CC2D2A: variants seen among roughly 807,000 people sequenced by gnomAD.
CC2D2A encodes the protein coiled-coil and C2 domain containing 2A.
In CC2D2A, 155 loss-of-function variants were observed where a neutral mutation model predicts 212.9. The observed-to-expected ratio is 0.73, with a 90% CI of 0.64 to 0.83. The LOEUF (loss-of-function observed/expected upper bound fraction) is 0.83, where lower values mean the gene tolerates loss of function less well. CC2D2A is among the 40% of genes least tolerant of loss of function. The pLI is 0.00. For synonymous variants in CC2D2A, 667 were observed against 686.5 expected, an observed-to-expected ratio of 0.97 and a Z score of 0.44; for missense variants, 1,856 against 1,956.2, an observed-to-expected ratio of 0.95 and a Z score of 0.97.
intron 1 of CC2D2A, among the ~76,000 whole-genome samples, chr4:15,474,243 G>A (rs1714023023): frequency 6.6e-6 from 1 of 152,200 alleles, no homozygotes; most frequent in Non-Finnish European, 1.5e-5. Context: ...GCCAACTGAA[G>A]AAAGTATCTC....
chr4:15,567,374 T>G lies in CC2D2A; in HGVS notation c.3183-3T>G. The G allele has an allele frequency of 4.3e-6, 7 of 1,609,320 alleles. No homozygotes were observed. The highest frequency in any genetic ancestry group is 5.9e-6 in the Non-Finnish European group (7 of 1,176,610). On this transcript the variant is annotated splice_region_variant and splice_polypyrimidine_tract_variant and intron_variant, in intron 24 of 36. Transcript: ENST00000424120. The stretch of plus-strand genomic sequence containing the variant: ...AATTTCCTTCATACATTTTCTCTCC[T>G]AGCAAATTCCAGCAGCCGTCGAGGT...
intron 33 of CC2D2A, among the ~76,000 whole-genome samples, chr4:15,590,175 G>A (rs1234301067): frequency 6.6e-6 from 1 of 152,088 alleles, no homozygotes; most frequent in Non-Finnish European, 1.5e-5. Flanking sequence ...TTTGAGGGCT[G>A]CATGATTTTA....
chr4:15,506,492 C>G (rs1716261977), intron 6 of CC2D2A, among the ~76,000 whole-genome samples: 1 of 152,144 alleles, frequency 6.6e-6, no homozygotes, highest in Non-Finnish European at 1.5e-5. Context: ...TCTGCCTGGT[C>G]TTGTGTTTCA....
At chr4:15,550,046 A>G (rs1718916140) in intron 17 of CC2D2A, among the ~76,000 whole-genome samples, 1 of 152,260 alleles carries the variant, frequency 6.6e-6, no homozygotes, top group Non-Finnish European at 1.5e-5. Context: ...GAAAGAAGCC[A>G]GGAGAACTGT....
intron 36 of CC2D2A, 139 bp downstream of exon 36, chr4:15,599,845 G>A: frequency 3.8e-6 from 2 of 522,618 alleles, no homozygotes; most frequent in Non-Finnish European, 6.4e-6. Flanking sequence ...ACTAAAAACT[G>A]TGATCATAAG....
At chr4:15,538,719 G>A (rs1718267014) in intron 16 of CC2D2A, among the ~76,000 whole-genome samples, 1 of 152,138 alleles carries the variant, frequency 6.6e-6, no homozygotes, top group Non-Finnish European at 1.5e-5. Flanking sequence ...AACATCATTT[G>A]ATTTATATAC....
intron 33 of CC2D2A, among the ~76,000 whole-genome samples, chr4:15,590,376 A>T (rs1436333463): frequency 6.6e-6 from 1 of 152,158 alleles, no homozygotes; most frequent in African/African-American, 2.4e-5. Flanking sequence ...TTAGCTGGGC[A>T]TGATGGTGTG....
chr4:15,575,328 A>G (rs573510601), intron 29 of CC2D2A, among the ~76,000 whole-genome samples: 1 of 152,344 alleles, frequency 6.6e-6, no homozygotes, highest in Admixed American at 6.5e-5. Flanking sequence ...ACATAGGCAG[A>G]GGTAACACAT....
At chr4:15,573,426 G>GA (rs1208961343) in intron 28 of CC2D2A, among the ~76,000 whole-genome samples, 1 of 152,166 alleles carries the variant, frequency 6.6e-6, no homozygotes, top group Non-Finnish European at 1.5e-5. Context: ...AAGTAGCTGG[G>GA]ACCACAGGCG....
At chr4:15,539,068 A>C (rs1379214052) in intron 16 of CC2D2A, among the ~76,000 whole-genome samples, 1 of 152,216 alleles carries the variant, frequency 6.6e-6, no homozygotes, top group Non-Finnish European at 1.5e-5. Context: ...AAACATTTTT[A>C]ATACCTCACA....
At chr4:15,582,229 TAA>T (rs1720693487) in intron 30 of CC2D2A, among the ~76,000 whole-genome samples, 1 of 103,592 alleles carries the variant, frequency 9.7e-6, no homozygotes, top group Non-Finnish European at 2.6e-5. Flanking sequence ...TACAGTTAAA[TAA>T]GAGGTAAATT....
At chr4:15,560,400 G>A in intron 22 of CC2D2A, 131 bp from the exon 23 acceptor site, 1 of 560,380 alleles carries the variant, frequency 1.8e-6, no homozygotes, top group Non-Finnish European at 3.2e-6. Flanking sequence ...CAGCATTGCA[G>A]AGGAAAGTAA....
intron 29 of CC2D2A, chr4:15,576,257 C>G (rs145612957): frequency 6.8e-5 from 19 of 278,420 alleles, no homozygotes; most frequent in African/African-American, 4.1e-4. Flanking sequence ...GAGGCAGTGG[C>G]AGAAAACACT....
In CC2D2A at chr4:15,574,135, A is replaced by T; in HGVS notation, c.3595-15A>T. 1.3e-6 allele frequency: 2 copies of T among 1,530,252 alleles called. No homozygotes were observed. Among genetic ancestry groups the T allele is most frequent in the Non-Finnish European group, 1.8e-6 (2 of 1,134,202 alleles). 94.8% of individuals were successfully genotyped at this position (1,530,252 alleles called of 1,614,324 possible). On this transcript the variant is annotated splice_polypyrimidine_tract_variant and intron_variant, in intron 28 of 36. Coordinates refer to ENST00000424120, the MANE Select transcript of CC2D2A (RefSeq NM_001378615.1). ...AAAGCATCAGGATGTTTACCAAGTC[A>T]TATTTTCTTCACAGATTGATGGAAC... is the stretch of plus-strand genomic sequence containing the variant.
Position 15,537,001 on chromosome 4 carries a change from C to T in CC2D2A, c.1689C>T (p.His563=), listed in dbSNP as rs755367503. ...QAEISELLEE[H]TEEYAQKMEE... is the part of the protein sequence containing the mutation. ...AAATAAGTGAACTGTTAGAAGAGCA[C>T]ACGGAGGAGTACGCACAGAAGATGG... Residue 563 remains histidine, a synonymous_variant, in exon 15 of 37, where the codon CAC becomes CAT. Coordinates refer to ENST00000424120, the MANE Select transcript of CC2D2A (RefSeq NM_001378615.1). 61 of 1,613,520 alleles carry T rather than the reference C, an allele frequency of 3.8e-5. No individual in the cohort carries two copies. Among genetic ancestry groups the T allele is most frequent in the Middle Eastern group, 3.3e-4 (2 of 6,082 alleles).
At chr4:15,526,133 CT>C (rs1717499213) in intron 11 of CC2D2A, among the ~76,000 whole-genome samples, 1 of 152,192 alleles carries the variant, frequency 6.6e-6, no homozygotes, top group Non-Finnish European at 1.5e-5. Context: ...AGACTTCATG[CT>C]TTTAGATCCT....
Position 15,601,212 on chromosome 4 carries a change from GACT to G in CC2D2A, c.4675-22_4675-20del, listed in dbSNP as rs1238900694. The G allele has an allele frequency of 1.3e-5, 21 of 1,579,058 alleles. 1 individual carries two copies. The highest frequency in any genetic ancestry group is 6.7e-5 in the East Asian group (3 of 44,598). ...TATTAAATCTTCAAACTTCACTAAT[GACT>G]ACAAATGTTTTTTCCCTTCAGTTCT... On this transcript the variant is annotated intron_variant, in intron 36 of 36. Coordinates refer to ENST00000424120, the MANE Select transcript of CC2D2A (RefSeq NM_001378615.1).
intron 29 of CC2D2A, 62 bp from the exon 30 acceptor site, chr4:15,579,906 C>G: frequency 7.5e-7 from 1 of 1,340,240 alleles, no homozygotes; most frequent in East Asian, 2.3e-5. Context: ...ACTGTGGAAT[C>G]TGAACACGTA....
chr4:15,490,276 G>T (rs1315471286), intron 4 of CC2D2A, among the ~76,000 whole-genome samples: 2 of 152,134 alleles, frequency 1.3e-5, no homozygotes, highest in African/African-American at 2.4e-5. Context: ...ACCACAAAAA[G>T]TTCCTTTGTG....
Sources: allele counts gnomAD v4.1 joint callset (sites outside exome capture counted in the v4.1 genomes callset), GRCh38; gene constraint gnomAD v4.1.1; transcripts MANE v1.5; gene names NCBI Gene and HGNC (gene_info 2026-07-23, HGNC 2026-07-21).